The following STARD9 variants were observed in gnomAD, a reference collection of about 807,000 sequenced individuals.
The protein encoded by STARD9 is StAR related lipid transfer domain containing 9.
A neutral mutation model predicts 399.8 loss-of-function variants in STARD9; 346 were observed. The observed-to-expected ratio is 0.87, with a 90% confidence interval of 0.79 to 0.95. The LOEUF is 0.95. STARD9 is among the 40% of genes least tolerant of loss of function. The pLI is 0.00. For synonymous variants in STARD9, 2,203 were observed against 2,143.5 expected, an observed-to-expected ratio of 1.03 and a Z score of -0.77; for missense variants, 5,832 against 5,667.5, an observed-to-expected ratio of 1.03 and a Z score of -0.93.
At chr15:42,586,935 G>T (rs2058289061) in intron 3 of STARD9, among the ~76,000 whole-genome samples, 1 of 151,468 alleles carries the variant, frequency 6.6e-6, no homozygotes, top group South Asian at 2.1e-4. Context: ...GCTCACTTCA[G>T]CCTCTTTCTT....
Position 42,693,989 on chromosome 15 carries a change from G to A in STARD9, c.12411G>A (p.Pro4137=), listed in dbSNP as rs1034636454. Residue 4137 remains proline (P), a synonymous_variant, in exon 23 of 33, where the codon CCG becomes CCA. Coordinates refer to ENST00000290607, the MANE Select transcript of STARD9 (RefSeq NM_020759.3). The stretch of plus-strand genomic sequence containing the variant: ...AGCACCACAGTCTGAGGGACCTCCC[G>A]GTGCATAACAAATTTAGTAACTGGT... The part of the protein sequence containing the change: ...EHQHHSLRDL[P]VHNKFSNWCG... 5.3e-6 allele frequency: 8 copies of A among 1,512,664 alleles called. No homozygotes were observed. In the Admixed American group the frequency reaches 8.2e-5, roughly 15 times the overall value. 93.7% of individuals were successfully genotyped at this position (1,512,664 alleles called of 1,614,324 possible).
At position 42,682,460 on chromosome 15, in the gene STARD9, C is replaced by T; in HGVS notation, c.2422C>T (p.Gln808Ter). 1 of 1,537,192 alleles carries T rather than the reference C, an allele frequency of 6.5e-7. No individual in the cohort carries two copies. The highest frequency in any genetic ancestry group is 8.7e-7 in the Non-Finnish European group (1 of 1,146,882). ...TGACAGCACCCAGGAGCCCCCATAC[C>T]AGGTCCTCAGCCCTGATGCCACAGT... ...QDDSTQEPPY[Q>*]VLSPDATVPR... The change falls in exon 22 of 33, where the codon CAG becomes TAG. Residue 808 changes from glutamine to a stop codon, truncating the protein, a stop_gained. Transcript: ENST00000290607. LOFTEE classifies it high-confidence loss of function.
chr15:42,602,710 G>A (rs556159055), intron 3 of STARD9, among the ~76,000 whole-genome samples: 1 of 152,316 alleles, frequency 6.6e-6, no homozygotes, highest in South Asian at 2.1e-4. Flanking sequence ...ACAGAGGTTA[G>A]GGTGAAGTTA....
chr15:42,689,345 G>T lies in STARD9; in HGVS notation c.7767G>T (p.Arg2589Ser). 6.5e-7 allele frequency: 1 copy of T among 1,537,268 alleles called. No individual in the cohort carries two copies. The highest frequency in any genetic ancestry group is 1.2e-5 in the South Asian group (1 of 84,056). The change falls in exon 23 of 33, where the codon AGG becomes AGT. Residue 2589 changes from arginine (R) to serine (S), a missense_variant. Arg to Ser is a moderately radical substitution (Grantham distance 110). Transcript: ENST00000290607. The part of the protein sequence containing the change: ...ETLLEPECSS[R>S]VAGRPQCKQI... ...TACTAGAACCCGAATGTTCTTCAAGGGTTGCTGGCAGGCCTCAGTGTAAAC... is the reference window on the plus strand; with the variant it reads ...TACTAGAACCCGAATGTTCTTCAAGTGTTGCTGGCAGGCCTCAGTGTAAAC...
intron 26 of STARD9, among the ~76,000 whole-genome samples, chr15:42,712,457 T>C (rs1010931902): frequency 6.6e-6 from 1 of 152,044 alleles, no homozygotes; most frequent in African/African-American, 2.4e-5. Flanking sequence ...AGCTTCCACA[T>C]TGCATTCTTT....
At chr15:42,643,115 A>T (rs2059573782) in intron 7 of STARD9, among the ~76,000 whole-genome samples, 1 of 152,056 alleles carries the variant, frequency 6.6e-6, no homozygotes, top group Non-Finnish European at 1.5e-5. Flanking sequence ...AATTAAAGGA[A>T]TATCTTAATT....
chr15:42,716,774 G>A lies in STARD9; in HGVS notation c.13372+10G>A, dbSNP rs60484860. ...AAGAACTCTGCCTACAGTGAGTTGC[G>A]GGGAGTGTTGGGCATAGCCAGCTGC... On this transcript the variant is annotated intron_variant, in intron 27 of 32. Coordinates refer to ENST00000290607, the MANE Select transcript of STARD9 (RefSeq NM_020759.3). 7,625 of 1,533,528 alleles carry A rather than the reference G, an allele frequency of 5.0e-3. 361 individuals are homozygous for A. The Admixed American group carries it at 0.089, about 18-fold the overall frequency. The allele number at this position is 1,533,528 out of a possible 1,614,324, so 95.0% of individuals were successfully genotyped here.
chr15:42,668,623 T>G (rs1157047744), intron 15 of STARD9, among the ~76,000 whole-genome samples: 1 of 152,206 alleles, frequency 6.6e-6, no homozygotes, highest in East Asian at 1.9e-4. Context: ...TTACATGATC[T>G]TCCAGACAAG....
chr15:42,657,058 CA>C (rs1390832866), intron 9 of STARD9, among the ~76,000 whole-genome samples: 3 of 151,894 alleles, frequency 2.0e-5, no homozygotes, highest in Admixed American at 1.3e-4. Context: ...TAATGTCAGG[CA>C]AAAAATAGGT....
At chr15:42,694,808 C>T in intron 24 of STARD9, 83 bp downstream of exon 24, 2 of 1,176,230 alleles carry the variant, frequency 1.7e-6, no homozygotes, top group Non-Finnish European at 2.4e-6. Context: ...GTTTTAGCAT[C>T]CTGGAGGGTT....
chr15:42,682,695 A>T, intron 22 of STARD9, 120 bp downstream of exon 22: 1 of 781,904 alleles, frequency 1.3e-6, no homozygotes, highest in South Asian at 1.9e-5. Flanking sequence ...AAGAATGTGT[A>T]TATTTCTCTC....
intron 3 of STARD9, among the ~76,000 whole-genome samples, chr15:42,630,803 A>T (rs2059317924): frequency 6.6e-6 from 1 of 151,394 alleles, no homozygotes; most frequent in South Asian, 2.1e-4. Flanking sequence ...TATTTATGTG[A>T]GTCTTCTCTT....
chr15:42,631,537 G>A (rs1000195857), intron 3 of STARD9, among the ~76,000 whole-genome samples: 2 of 151,554 alleles, frequency 1.3e-5, no homozygotes, highest in Admixed American at 1.3e-4. Flanking sequence ...CTGAGATGAC[G>A]CCATTGTACT....
chr15:42,656,494 G>A (rs2059876166), intron 9 of STARD9, among the ~76,000 whole-genome samples: 1 of 152,028 alleles, frequency 6.6e-6, no homozygotes, highest in Admixed American at 6.6e-5. Context: ...TTACCCAGAG[G>A]AAAAGAAGTC....
chr15:42,610,446 C>T (rs2058825205), intron 3 of STARD9, among the ~76,000 whole-genome samples: 1 of 152,160 alleles, frequency 6.6e-6, no homozygotes, highest in African/African-American at 2.4e-5. Context: ...ATCAGTGTCC[C>T]CTACTGACTC....
At chr15:42,714,690 C>A in intron 26 of STARD9, among the ~76,000 whole-genome samples, 1 of 152,144 alleles carries the variant, frequency 6.6e-6, no homozygotes, top group Non-Finnish European at 1.5e-5. Context: ...AGGGATTCTC[C>A]CGCCCAGCCT....
chr15:42,669,202 G>C lies in STARD9; in HGVS notation c.1362G>C (p.Trp454Cys). Reference protein sequence around the residue: ...TKDWTQKWNDWQALMEHYSVD... With the variant: ...TKDWTQKWNDCQALMEHYSVD... Reference sequence around the variant, plus strand: ...ACTGGACCCAGAAGTGGAATGATTGGCAGGCCCTCATGGAGCATTACAGTG... The same window carrying C: ...ACTGGACCCAGAAGTGGAATGATTGCCAGGCCCTCATGGAGCATTACAGTG... Residue 454 changes from tryptophan to cysteine, a missense_variant, in exon 16 of 33, where the codon TGG becomes TGC. Transcript: ENST00000290607. 6.5e-7 allele frequency: 1 copy of C among 1,536,394 alleles called. No homozygotes were observed. Among genetic ancestry groups the C allele is most frequent in the Non-Finnish European group, 8.7e-7 (1 of 1,146,214 alleles).
In STARD9 at chr15:42,689,460, A is replaced by T; in HGVS notation, c.7882A>T (p.Ile2628Leu). 6.5e-7 allele frequency: 1 copy of T among 1,537,398 alleles called. No individual in the cohort carries two copies. The highest frequency in any genetic ancestry group is 2.0e-5 in the Admixed American group (1 of 51,000). ...VASLSAEAGQ[I>L]DLLPDERKVQ... The stretch of plus-strand genomic sequence containing the variant: ...ATCTCTATCTGCTGAAGCAGGGCAG[A>T]TAGATCTGTTACCTGATGAGAGGAA... The change falls in exon 23 of 33, where the codon ATA (isoleucine) becomes TTA (leucine). Residue 2628 changes from isoleucine to leucine, a missense_variant. This residue lies in a region of STARD9 where 5,828 missense variants were observed against 5,651.1 expected (regional missense o/e 1.03). Transcript: ENST00000290607.
At chr15:42,640,818 C>CAAAAAAA in intron 7 of STARD9, among the ~76,000 whole-genome samples, 1 of 83,610 alleles carries the variant, frequency 1.2e-5, no homozygotes, top group Non-Finnish European at 2.1e-5. Context: ...GACTCCGTCT[C>CAAAAAAA]AAAAAAAAAA....
Sources: allele counts gnomAD v4.1 joint callset (sites outside exome capture counted in the v4.1 genomes callset), GRCh38; gene constraint gnomAD v4.1.1; regional missense constraint gnomAD v4.1.1; transcripts MANE v1.5; gene names NCBI Gene and HGNC (gene_info 2026-07-23, HGNC 2026-07-21).